Variants in LRP5 observed in about 807,000 individuals in gnomAD.
LRP5 encodes low-density lipoprotein receptor-related protein 5.
Under a neutral mutation model 154.1 loss-of-function variants are expected in LRP5, and 62 were observed. The ratio of observed to expected loss-of-function variants is 0.40; its 90% CI spans 0.33 to 0.50. The LOEUF (loss-of-function observed/expected upper bound fraction) is 0.50, where lower values mean the gene tolerates loss of function less well. Among genes scored for constraint, LRP5 ranks in the 20% least tolerant of loss-of-function variants. The probability of loss-of-function intolerance (pLI) is 0.55; values close to 1 mark genes in which losing one functional copy is unlikely to be tolerated. For missense variants in LRP5, 1,915 were observed against 2,336.7 expected, an observed-to-expected ratio of 0.82 and a Z score of 3.72; for synonymous variants, 966 against 1,011.5, an observed-to-expected ratio of 0.96 and a Z score of 0.85.
chr11:68,444,041 G>T (rs1459040526), intron 21 of LRP5, among the ~76,000 whole-genome samples: 1 of 152,130 alleles, frequency 6.6e-6, no homozygotes, highest in Non-Finnish European at 1.5e-5. Flanking sequence ...GATTTGATGA[G>T]CAAGGTGGGC....
chr11:68,388,076 C>T (rs997192741), intron 6 of LRP5, among the ~76,000 whole-genome samples: 3 of 152,012 alleles, frequency 2.0e-5, no homozygotes, highest in African/African-American at 7.3e-5. Context: ...GCACAGCAGG[C>T]AGAGGGCGGG....
intron 22 of LRP5, among the ~76,000 whole-genome samples, 154 bp downstream of exon 22, chr11:68,446,687 C>T (rs2098681606): frequency 6.6e-6 from 1 of 152,182 alleles, no homozygotes; most frequent in African/African-American, 2.4e-5. Flanking sequence ...CTGCCAACCA[C>T]ACTAGGCTGC....
chr11:68,303,325 G>A, the LRP5 span, among the ~76,000 whole-genome samples: 1 of 152,150 alleles, frequency 6.6e-6, no homozygotes. Flanking sequence ...CCAGGGTGAT[G>A]AGTCTCAGAT....
chr11:68,309,241 C>CT (rs1249980448), upstream of LRP5, among the ~76,000 whole-genome samples: 3 of 137,490 alleles, frequency 2.2e-5, no homozygotes, highest in African/African-American at 8.3e-5. Context: ...CCTTTTTTTT[C>CT]TTTTTTTTAG....
chr11:68,321,257 T>C (rs2098596615), intron 1 of LRP5, among the ~76,000 whole-genome samples: 1 of 152,180 alleles, frequency 6.6e-6, no homozygotes, highest in Non-Finnish European at 1.5e-5. Flanking sequence ...AGTGTCTTTG[T>C]GTACCGGAAT....
intron 3 of LRP5, among the ~76,000 whole-genome samples, chr11:68,362,893 C>T (rs2098628837): frequency 6.6e-6 from 1 of 152,078 alleles, no homozygotes; most frequent in African/African-American, 2.4e-5. Context: ...ACCCTCTGCC[C>T]CCAGGCCCAC....
intron 1 of LRP5, among the ~76,000 whole-genome samples, chr11:68,334,624 C>T (rs1175747088): frequency 6.6e-6 from 1 of 152,098 alleles, no homozygotes; most frequent in East Asian, 1.9e-4. Context: ...CCTGTAATTC[C>T]AGCACTTTGG....
intron 17 of LRP5, among the ~76,000 whole-genome samples, chr11:68,433,068 C>A (rs2153178189): frequency 6.6e-6 from 1 of 152,340 alleles, no homozygotes. Context: ...TCCTGCCTTG[C>A]TATGCGCACG....
At chr11:68,344,550 C>CCTTAAGTGAT (rs1222980497) in intron 1 of LRP5, among the ~76,000 whole-genome samples, 1 of 152,078 alleles carries the variant, frequency 6.6e-6, no homozygotes, top group East Asian at 1.9e-4. Flanking sequence ...AAACTCCTGG[C>CCTTAAGTGAT]CTTAAGTGAT....
chr11:68,439,390 C>CCAGAGA, intron 20 of LRP5, among the ~76,000 whole-genome samples: 2 of 152,314 alleles, frequency 1.3e-5, no homozygotes, highest in East Asian at 3.9e-4. Flanking sequence ...ACCTGATTCT[C>CCAGAGA]TCTGGGGAGC....
chr11:68,306,029 G>A, the LRP5 span, among the ~76,000 whole-genome samples: 1 of 152,128 alleles, frequency 6.6e-6, no homozygotes, highest in Non-Finnish European at 1.5e-5. Flanking sequence ...GCAACTTCTG[G>A]GGCTCCAGGT....
chr11:68,411,322 C>T (rs1565088666), intron 10 of LRP5, 114 bp from the exon 11 acceptor site: 2 of 1,177,808 alleles, frequency 1.7e-6, no homozygotes, highest in Non-Finnish European at 2.4e-6. Flanking sequence ...TGGCTTTCTC[C>T]AGGACGGGGA....
intron 18 of LRP5, among the ~76,000 whole-genome samples, chr11:68,435,757 G>A (rs190591958): frequency 3.6e-4 from 55 of 152,236 alleles, no homozygotes; most frequent in African/African-American, 1.3e-3. Context: ...ACAGAATCTC[G>A]CTCTGTTGCC....
chr11:68,443,561 ATATATATATATATATATATATATATTTT>A (rs1324234271), intron 21 of LRP5, among the ~76,000 whole-genome samples: 1,121 of 36,148 alleles, frequency 0.031, 85 homozygotes, highest in East Asian at 0.1. Flanking sequence ...ATATATATAT[ATATATATATATATATATATATATATTTT>A]TTTTTTTTTT....
At chr11:68,379,983 G>A (rs561459471) in intron 5 of LRP5, among the ~76,000 whole-genome samples, 3 of 152,208 alleles carry the variant, frequency 2.0e-5, no homozygotes, top group East Asian at 3.9e-4. Flanking sequence ...AACACAAAAA[G>A]TTAGCCAGGC....
At chr11:68,354,820 C>T (rs1344423233) in intron 2 of LRP5, among the ~76,000 whole-genome samples, 1 of 152,210 alleles carries the variant, frequency 6.6e-6, no homozygotes, top group Non-Finnish European at 1.5e-5. Flanking sequence ...CAATTCCCAC[C>T]TTCCCTTTGT....
At chr11:68,325,405 A>G (rs1437457478) in intron 1 of LRP5, among the ~76,000 whole-genome samples, 4 of 152,116 alleles carry the variant, frequency 2.6e-5, no homozygotes, top group Non-Finnish European at 5.9e-5. Context: ...TAGTGTGAAG[A>G]GGAGGGGTGG....
chr11:68,411,592 C>G lies in LRP5; in HGVS notation c.2475C>G (p.Thr825=). ...GCCTCTACTGGACCGACCTGGACAC[C>G]AACATGATCGAGTCGTCCAACATGC... ...DQRLYWTDLD[T]NMIESSNMLG... Residue 825 remains threonine (T), a synonymous_variant, in exon 11 of 23, where the codon ACC becomes ACG. Coordinates refer to ENST00000294304, the MANE Select transcript of LRP5 (RefSeq NM_002335.4). 6.2e-7 allele frequency: 1 copy of G among 1,612,972 alleles called. No individual in the cohort carries two copies. Among genetic ancestry groups the G allele is most frequent in the Non-Finnish European group, 8.5e-7 (1 of 1,179,762 alleles).
At chr11:68,375,267 C>T (rs2098636719) in intron 5 of LRP5, among the ~76,000 whole-genome samples, 1 of 152,200 alleles carries the variant, frequency 6.6e-6, no homozygotes, top group Non-Finnish European at 1.5e-5. Context: ...GAAGACACGG[C>T]CCCTGGGCCC....
Sources: gnomAD v4.1 joint callset for allele counts (sites outside exome capture counted in the v4.1 genomes callset) on GRCh38, gnomAD v4.1.1 for gene constraint, MANE v1.5 for transcripts, NCBI Gene and HGNC (gene_info 2026-07-23, HGNC 2026-07-21) for gene names.